Variants in FABP6 observed in about 807,000 individuals in gnomAD.
The protein encoded by FABP6 is gastrotropin.
In FABP6, 13 loss-of-function variants were observed where a neutral mutation model predicts 14.9. The ratio of observed to expected loss-of-function variants is 0.87; its 90% CI spans 0.57 to 1.39. The LOEUF is 1.39. Among genes scored for constraint, FABP6 ranks in the 40% most tolerant of loss-of-function variants. The pLI, the probability that FABP6 is intolerant of heterozygous loss-of-function variation, is 0.00. For missense variants in FABP6, 161 were observed against 167.2 expected, an observed-to-expected ratio of 0.96 and a Z score of 0.20; for synonymous variants, 75 against 63.6, an observed-to-expected ratio of 1.18 and a Z score of -0.85.
At chr5:160,190,649 C>T (rs867502381) in intron 1 of FABP6, among the ~76,000 whole-genome samples, 1 of 152,170 alleles carries the variant, frequency 6.6e-6, no homozygotes, top group African/African-American at 2.4e-5. Flanking sequence ...TCAGAGTAAC[C>T]AGTTGCATGG....
intron 2 of FABP6, among the ~76,000 whole-genome samples, chr5:160,213,496 T>C (rs568003077): frequency 1.3e-5 from 2 of 152,240 alleles, no homozygotes. Flanking sequence ...TGTGATGTGA[T>C]TGTGGCTGTG....
rs185815322 is a variant in FABP6 at position 160,207,454 on chromosome 5, T to A, written c.52-6282T>A. On this transcript the variant is annotated intron_variant, in intron 2 of 6. Transcript: ENST00000393980. ...CTAAATTACCCTTCTTTTGTTTCTTTTTTATAACAGAGAGGAGTTACCAAG... is the reference window on the plus strand; with the variant it reads ...CTAAATTACCCTTCTTTTGTTTCTTATTTATAACAGAGAGGAGTTACCAAG... 3.9e-5 allele frequency among the ~76,000 whole-genome samples: 6 copies of A among 152,358 alleles called. No individual in the cohort carries two copies. In the East Asian group the frequency reaches 1.2e-3, roughly 29 times the overall value.
intron 3 of FABP6, among the ~76,000 whole-genome samples, chr5:160,221,761 A>T (rs911817588): frequency 2.0e-5 from 3 of 152,162 alleles, no homozygotes; most frequent in Non-Finnish European, 4.4e-5. Flanking sequence ...CATGATGTAT[A>T]TCTATGTATA....
At chr5:160,212,453 C>T (rs186020324) in intron 2 of FABP6, among the ~76,000 whole-genome samples, 68 of 152,088 alleles carry the variant, frequency 4.5e-4, no homozygotes, top group African/African-American at 1.5e-3. Context: ...TGCGTCTGGC[C>T]CTACAACTGG....
intron 2 of FABP6, among the ~76,000 whole-genome samples, chr5:160,233,698 C>A (rs1760443439): frequency 6.6e-6 from 1 of 152,040 alleles, no homozygotes; most frequent in African/African-American, 2.4e-5. Flanking sequence ...TATGGTGAAA[C>A]CCTGTCTCTA....
chr5:160,234,971 C>T, intron 3 of FABP6, 62 bp downstream of exon 3: 1 of 1,482,152 alleles, frequency 6.7e-7, no homozygotes, highest in Admixed American at 1.8e-5. Flanking sequence ...TGGCCACAGC[C>T]CCTCAGAAGT....
In FABP6 at chr5:160,192,651, C is replaced by T. The variant is rs115571335; in HGVS notation, c.-59+5197C>T. 7.1e-4 allele frequency among the ~76,000 whole-genome samples: 108 copies of T among 152,378 alleles called. 1 individual carries two copies. Among genetic ancestry groups the T allele is most frequent in the African/African-American group, 2.3e-3 (95 of 41,588 alleles). ...ACCGTGCTAGACAGCAGGGCAGCCA[C>T]AGAGACACAGGCTCAGTCCTGGCTG... On this transcript the variant is annotated intron_variant, in intron 1 of 6. Transcript: ENST00000393980.
At chr5:160,230,895 C>T (rs1193019998) in intron 1 of FABP6, among the ~76,000 whole-genome samples, 1 of 152,214 alleles carries the variant, frequency 6.6e-6, no homozygotes, top group African/African-American at 2.4e-5. Context: ...TCTTACTGTG[C>T]CAAACACTGT....
chr5:160,214,746 G>T (rs566625953), intron 3 of FABP6, among the ~76,000 whole-genome samples: 2 of 151,402 alleles, frequency 1.3e-5, no homozygotes, highest in African/African-American at 2.4e-5. Context: ...TTGAGCCCAG[G>T]AGTTCACGAC....
intron 2 of FABP6, among the ~76,000 whole-genome samples, chr5:160,203,741 G>A (rs530612268): frequency 7.1e-6 from 1 of 141,016 alleles, no homozygotes; most frequent in Non-Finnish European, 1.5e-5. Flanking sequence ...TGCTCTTGTT[G>A]CTCAGGCTGG....
At position 160,232,273 on chromosome 5, in the gene FABP6, G is replaced by A. The variant is rs1481231895; in HGVS notation, c.243G>A (p.Lys81=). 2 of 1,600,000 alleles carry A rather than the reference G, an allele frequency of 1.3e-6. No homozygotes were observed. The highest frequency in any genetic ancestry group is 1.7e-6 in the Non-Finnish European group (2 of 1,172,630). The change falls in exon 2 of 4, where the codon AAG becomes AAA. Residue 81 remains lysine (K), a splice_region_variant and synonymous_variant. Coordinates refer to ENST00000402432, the MANE Select transcript of FABP6 (RefSeq NM_001445.3). ...AGACAATGGGGGGCAAGACGTTCAA[G>A]GTGAGAGGCCACTGGCTGTCCCCCT... The part of the protein sequence containing the change: ...NIQTMGGKTF[K]ATVQMEGGKL...
exon 2 of FABP6, chr5:160,199,128 A>G: frequency 1.2e-6 from 2 of 1,614,124 alleles, no homozygotes; most frequent in Non-Finnish European, 1.7e-6. Flanking sequence ...GACGATGATG[A>G]TGGTGGTGGA....
chr5:160,212,124 A>G (rs1450949753), intron 2 of FABP6, among the ~76,000 whole-genome samples: 2 of 151,182 alleles, frequency 1.3e-5, no homozygotes, highest in Non-Finnish European at 2.9e-5. Context: ...AGTAGCTGGG[A>G]TTACAGGCGC....
At chr5:160,213,030 C>T (rs1403685697) in intron 2 of FABP6, among the ~76,000 whole-genome samples, 3 of 152,168 alleles carry the variant, frequency 2.0e-5, no homozygotes, top group Non-Finnish European at 1.5e-5. Flanking sequence ...GTAACTGTCA[C>T]GGACACTCTT....
At position 160,223,081 on chromosome 5, in the gene FABP6, C is replaced by A. The variant is rs79091243; in HGVS notation, c.136-6465C>A. On this transcript the variant is annotated intron_variant, in intron 3 of 6. Coordinates refer to the FABP6 transcript ENST00000393980. ...AGTCTTGAACTCTAGGCTCAGGTGA[C>A]CTTCCAGCCTCAGTGTCCCTGAGAA... 5.7e-3 allele frequency among the ~76,000 whole-genome samples: 873 copies of A among 151,838 alleles called. 9 individuals are homozygous for A. The highest frequency in any genetic ancestry group is 0.02 in the African/African-American group (829 of 41,396).
At chr5:160,195,283 C>CAAAAAAAAA (rs57229719) in intron 1 of FABP6, among the ~76,000 whole-genome samples, 11 of 63,606 alleles carry the variant, frequency 1.7e-4, no homozygotes, top group African/African-American at 5.7e-4. Flanking sequence ...GACTCTGTCT[C>CAAAAAAAAA]AAAAAAAAAA....
chr5:160,200,602 C>T (rs1002916540), intron 2 of FABP6, among the ~76,000 whole-genome samples: 3 of 152,036 alleles, frequency 2.0e-5, no homozygotes, highest in Non-Finnish European at 4.4e-5. Context: ...TTAGTAGAGA[C>T]GGGGTTTCAC....
At chr5:160,190,766 T>G (rs545761706) in intron 1 of FABP6, among the ~76,000 whole-genome samples, 2 of 152,262 alleles carry the variant, frequency 1.3e-5, no homozygotes, top group Admixed American at 1.3e-4. Context: ...TGAATCTATT[T>G]TGGGGCTAGA....
chr5:160,197,668 C>T (rs1449749760), intron 1 of FABP6: 1 of 152,294 alleles, frequency 6.6e-6, no homozygotes, highest in Non-Finnish European at 1.5e-5. Flanking sequence ...CAACCCTGCC[C>T]CCTCCTCAGT....
Sources: gnomAD v4.1 joint callset for allele counts (sites outside exome capture counted in the v4.1 genomes callset) on GRCh38, gnomAD v4.1.1 for gene constraint, MANE v1.5 for transcripts, NCBI Gene and HGNC (gene_info 2026-07-23, HGNC 2026-07-21) for gene names.